ZDHHC7: variants seen among roughly 807,000 people sequenced by gnomAD.
ZDHHC7 encodes zDHHC palmitoyltransferase 7.
ZDHHC7 carries 12 observed loss-of-function variants against 34.1 expected under a neutral mutation model. The observed-to-expected ratio is 0.35, with a 90% CI of 0.23 to 0.57. The LOEUF (loss-of-function observed/expected upper bound fraction) is 0.57, where lower values mean the gene tolerates loss of function less well. Among genes scored for constraint, ZDHHC7 ranks in the 20% least tolerant of loss-of-function variants. ZDHHC7 has a pLI of 0.84. For missense variants in ZDHHC7, 388 were observed against 402.7 expected, an observed-to-expected ratio of 0.96 and a Z score of 0.31; for synonymous variants, 185 against 155.4, an observed-to-expected ratio of 1.19 and a Z score of -1.42.
At chr16:85,001,461 A>G (rs2072651410) in intron 1 of ZDHHC7, among the ~76,000 whole-genome samples, 2 of 143,158 alleles carry the variant, frequency 1.4e-5, no homozygotes, top group South Asian at 2.2e-4. Context: ...AGAGAGCAAG[A>G]CCCTGTCTCA....
rs1008069774 is a variant in ZDHHC7, at chr16:84,974,532, A to G, written c.*1811T>C. The G allele has an allele frequency of 4.6e-5, 7 of 152,624 alleles. No individual in the cohort carries two copies. The South Asian group carries it at 1.2e-3, about 27-fold the overall frequency. 9.5% of individuals were successfully genotyped at this position (152,624 alleles called of 1,614,324 possible). A position where few individuals can be genotyped will look rare whatever the true frequency, so the allele number is the denominator to read the frequency against. On this transcript the variant is annotated 3_prime_UTR_variant, in exon 8 of 8. Coordinates refer to ENST00000313732, the MANE Select transcript of ZDHHC7 (RefSeq NM_017740.3). Reference sequence around the variant, plus strand: ...GAAAGAAGAGGTTGAAAAGTCAAGTATACTTGATTTGCACACACTTGCCAA... The same window carrying G: ...GAAAGAAGAGGTTGAAAAGTCAAGTGTACTTGATTTGCACACACTTGCCAA...
chr16:84,980,393 G>C (rs186195366), intron 4 of ZDHHC7, among the ~76,000 whole-genome samples: 2 of 152,052 alleles, frequency 1.3e-5, no homozygotes, highest in African/African-American at 4.8e-5. Context: ...CCATAGGTCA[G>C]GCGAGGTGGC....
At chr16:85,016,988 C>CTGGAG in the ZDHHC7 span, among the ~76,000 whole-genome samples, 1 of 151,334 alleles carries the variant, frequency 6.6e-6, no homozygotes, top group African/African-American at 2.4e-5. Flanking sequence ...ATTGCCCAGG[C>CTGGAG]TGGAGTGGAA....
At chr16:85,020,217 C>T in the ZDHHC7 span, among the ~76,000 whole-genome samples, 1 of 152,218 alleles carries the variant, frequency 6.6e-6, no homozygotes, top group Non-Finnish European at 1.5e-5. Context: ...AGAAGCAAGC[C>T]CCTGCCCATT....
chr16:84,995,338 G>A (rs1225801922), intron 2 of ZDHHC7, among the ~76,000 whole-genome samples: 3 of 152,124 alleles, frequency 2.0e-5, no homozygotes, highest in South Asian at 2.1e-4. Context: ...AAAACTTTCC[G>A]TTTCAGGCCG....
intron 1 of ZDHHC7, among the ~76,000 whole-genome samples, 188 bp downstream of exon 1, chr16:85,011,097 AG>A (rs967799230): frequency 3.9e-5 from 6 of 152,242 alleles, no homozygotes; most frequent in Non-Finnish European, 8.8e-5. Context: ...AGGAATGACA[AG>A]GGGGCACCTG....
At chr16:85,018,268 A>G in the ZDHHC7 span, among the ~76,000 whole-genome samples, 2 of 152,286 alleles carry the variant, frequency 1.3e-5, no homozygotes, top group South Asian at 4.1e-4. Context: ...TACATGCAAT[A>G]TAATAAAAAG....
intron 7 of ZDHHC7, 74 bp downstream of exon 7, chr16:84,977,021 G>A (rs2072307384): frequency 3.2e-6 from 5 of 1,582,226 alleles, no homozygotes; most frequent in African/African-American, 1.3e-5. Flanking sequence ...GGCACCTATT[G>A]TTGACATTAG....
chr16:85,001,120 T>C (rs1252215155), intron 1 of ZDHHC7, among the ~76,000 whole-genome samples: 1 of 152,126 alleles, frequency 6.6e-6, no homozygotes, highest in Non-Finnish European at 1.5e-5. Flanking sequence ...CCTGGAACTC[T>C]AGACTTCACT....
At position 85,003,099 on chromosome 16, in the gene ZDHHC7, C is replaced by A. The variant is rs150478408; in HGVS notation, c.-103-7092G>T. Among the ~76,000 whole-genome samples the A allele has an allele frequency of 3.1e-3, 466 of 152,190 alleles. 1 individual carries two copies. The highest frequency in any genetic ancestry group is 0.011 in the African/African-American group (453 of 41,532). On this transcript the variant is annotated intron_variant, in intron 1 of 7. Transcript: ENST00000313732. ...GGCTAGAAAAGCAGAGTAACGAAGG[C>A]AAGACCAAGATGCAAGCGGGAGAGG...
At chr16:84,983,964 CAAA>C (rs201105181) in intron 3 of ZDHHC7, among the ~76,000 whole-genome samples, 16 of 128,900 alleles carry the variant, frequency 1.2e-4, no homozygotes, top group Admixed American at 2.3e-4. Context: ...TGCACTCCAG[CAAA>C]AAAAAAAAAA....
upstream of ZDHHC7, among the ~76,000 whole-genome samples, chr16:85,015,948 A>G (rs1385697003): frequency 6.6e-6 from 1 of 152,148 alleles, no homozygotes; most frequent in Non-Finnish European, 1.5e-5. Context: ...CATATGACAA[A>G]AAGTCTGTTT....
chr16:84,976,246 G>T lies in ZDHHC7; in HGVS notation c.*97C>A. ...AAGCAATTGGTTTGTGTAGGTTCCA[G>T]TTGCCCTGTTGGTCACAGATGAGCT... is the stretch of plus-strand genomic sequence containing the variant. On this transcript the variant is annotated 3_prime_UTR_variant, in exon 8 of 8. Coordinates refer to ENST00000313732, the MANE Select transcript of ZDHHC7 (RefSeq NM_017740.3). 6.8e-7 allele frequency: 1 copy of T among 1,474,052 alleles called. No homozygotes were observed. Among genetic ancestry groups the T allele is most frequent in the Non-Finnish European group, 9.3e-7 (1 of 1,079,588 alleles). 91.3% of individuals were successfully genotyped at this position (1,474,052 alleles called of 1,614,324 possible). A position where few individuals can be genotyped will look rare whatever the true frequency, so the allele number is the denominator to read the frequency against.
At position 84,982,234 on chromosome 16, in the gene ZDHHC7, A is replaced by G. The variant is rs535375865; in HGVS notation, c.316-240T>C. 8.2e-6 allele frequency: 3 copies of G among 364,732 alleles called. No individual in the cohort carries two copies. The East Asian group carries it at 1.9e-4, about 23-fold the overall frequency. The allele number at this position is 364,732 out of a possible 1,614,324, so 22.6% of individuals were successfully genotyped here. A position where few individuals can be genotyped will look rare whatever the true frequency, so the allele number is the denominator to read the frequency against. On this transcript the variant is annotated intron_variant, in intron 3 of 7. Coordinates refer to ENST00000313732, the MANE Select transcript of ZDHHC7 (RefSeq NM_017740.3). The stretch of plus-strand genomic sequence containing the variant: ...GTGGCAGGCGCCTGTAATCCCAGCT[A>G]CTTAGGAGGCTGAGGCAGGAGAATC...
At chr16:85,006,435 T>G (rs1035827779) in intron 1 of ZDHHC7, among the ~76,000 whole-genome samples, 3 of 152,092 alleles carry the variant, frequency 2.0e-5, no homozygotes, top group African/African-American at 4.8e-5. Context: ...TAGGGCCAGG[T>G]GCAGTGGCAC....
chr16:85,020,428 G>A, the ZDHHC7 span, among the ~76,000 whole-genome samples: 48 of 152,298 alleles, frequency 3.2e-4, 2 homozygotes, highest in East Asian at 6.9e-3. Flanking sequence ...AATTGCAAAC[G>A]TGTTTCTGTG....
In ZDHHC7 at chr16:84,990,496, G is replaced by A. The variant is rs141492257; in HGVS notation, c.123C>T (p.Phe41=). Residue 41 remains phenylalanine (F), a synonymous_variant, in exon 3 of 8, where the codon TTC becomes TTT. Coordinates refer to ENST00000313732, the MANE Select transcript of ZDHHC7 (RefSeq NM_017740.3). The part of the protein sequence containing the change: ...SEADVADRVW[F]IRDGCGMICA... ...AGATCATGCCGCAGCCGTCACGGAT[G>A]AACCAGACCCGGTCAGCCACGTCAG... 55 of 1,614,070 alleles carry A rather than the reference G, an allele frequency of 3.4e-5. 2 individuals are homozygous for A. In the South Asian group the frequency reaches 5.0e-4, roughly 15 times the overall value.
chr16:85,012,055 A>G (rs1051783739), upstream of ZDHHC7, among the ~76,000 whole-genome samples: 6 of 152,204 alleles, frequency 3.9e-5, no homozygotes, highest in East Asian at 1.9e-4. Context: ...TGTCCCTTCC[A>G]TATAGGAAGC....
intron 1 of ZDHHC7, among the ~76,000 whole-genome samples, chr16:85,004,749 C>T (rs1301289502): frequency 2.0e-5 from 3 of 151,822 alleles, no homozygotes; most frequent in African/African-American, 7.3e-5. Context: ...TTGAGGGAGA[C>T]AAGAAAAAGT....
Sources: gnomAD v4.1 joint callset for allele counts (sites outside exome capture counted in the v4.1 genomes callset) on GRCh38, gnomAD v4.1.1 for gene constraint, MANE v1.5 for transcripts, NCBI Gene and HGNC (gene_info 2026-07-23, HGNC 2026-07-21) for gene names.